Variants in FHIT observed in about 807,000 individuals in gnomAD.
FHIT encodes the protein fragile histidine triad diadenosine triphosphatase.
FHIT carries 19 observed loss-of-function variants against 17.9 expected under a neutral mutation model. The ratio of observed to expected loss-of-function variants is 1.06; its 90% CI spans 0.74 to 1.56. The LOEUF (loss-of-function observed/expected upper bound fraction) is 1.56, where lower values mean the gene tolerates loss of function less well. Among genes scored for constraint, FHIT ranks in the 40% most tolerant of loss-of-function variants. The probability of loss-of-function intolerance (pLI) is 0.00; values close to 1 mark genes in which losing one functional copy is unlikely to be tolerated. For synonymous variants in FHIT, 81 were observed against 69.7 expected (o/e 1.16, Z -0.81); for missense variants, 248 against 189.2 (o/e 1.31, Z -1.82).
intron 3 of FHIT, among the ~76,000 whole-genome samples, chr3:60,934,596 T>C (rs1198806195): frequency 6.6e-6 from 1 of 152,208 alleles, no homozygotes; most frequent in East Asian, 1.9e-4. Context: ...TATATGATAA[T>C]TCTCAAAAGT....
intron 5 of FHIT, among the ~76,000 whole-genome samples, chr3:60,385,270 A>G (rs1042040702): frequency 6.6e-6 from 1 of 152,214 alleles, no homozygotes; most frequent in Non-Finnish European, 1.5e-5. Context: ...AGAAGCATCC[A>G]CTGTGGATTA....
intron 3 of FHIT, among the ~76,000 whole-genome samples, chr3:60,852,779 A>G (rs1213506048): frequency 9.2e-5 from 14 of 152,172 alleles, no homozygotes; most frequent in Admixed American, 9.2e-4. Context: ...CAAAGTGGGA[A>G]GGCTGCTTGA....
intron 3 of FHIT, among the ~76,000 whole-genome samples, chr3:60,862,166 TTTTTTGTTTTTG>T (rs782326003): frequency 9.9e-5 from 15 of 150,824 alleles, no homozygotes; most frequent in Non-Finnish European, 1.3e-4. Flanking sequence ...AAATATGGAG[TTTTTTGTTTTTG>T]TTTTTGTTTT....
chr3:60,953,814 G>T (rs1553777960), intron 3 of FHIT, among the ~76,000 whole-genome samples: 1 of 152,142 alleles, frequency 6.6e-6, no homozygotes, highest in Admixed American at 6.5e-5. Context: ...AGACGAGAAG[G>T]GTGCCAGATT....
intron 5 of FHIT, among the ~76,000 whole-genome samples, chr3:60,468,153 T>C (rs1036086448): frequency 2.0e-5 from 3 of 152,044 alleles, no homozygotes; most frequent in African/African-American, 7.2e-5. Context: ...TCTTCTTCCA[T>C]ATCTCTTTAT....
chr3:60,330,060 A>G (rs767730589), intron 5 of FHIT, among the ~76,000 whole-genome samples: 17 of 152,192 alleles, frequency 1.1e-4, no homozygotes, highest in Admixed American at 2.0e-4. Flanking sequence ...GTTGGCTTTC[A>G]TGATCTCACC....
At chr3:60,484,467 C>G (rs1054424239) in intron 5 of FHIT, among the ~76,000 whole-genome samples, 22 of 152,128 alleles carry the variant, frequency 1.4e-4, no homozygotes, top group Admixed American at 1.4e-3. Flanking sequence ...GGTATCAAAA[C>G]AGAGATATAG....
chr3:60,949,684 A>C (rs1381373426), intron 3 of FHIT, among the ~76,000 whole-genome samples: 2 of 152,318 alleles, frequency 1.3e-5, no homozygotes, highest in African/African-American at 4.8e-5. Context: ...CAGTTATTAA[A>C]AATTCCTCTT....
At position 60,353,183 on chromosome 3, in the gene FHIT, C is replaced by T. The variant is rs996223593; in HGVS notation, c.103+183677G>A. Among the ~76,000 whole-genome samples, 10 of 152,220 alleles carry T rather than the reference C, an allele frequency of 6.6e-5. No individual in the cohort carries two copies. In the East Asian group the frequency reaches 1.9e-3, roughly 29 times the overall value. ...GACTTAACCTAATTCCTTCTGAAAG[C>T]CAAAAATTCAGACCCATTTACCATG... On this transcript the variant is annotated intron_variant, in intron 5 of 9. Coordinates refer to ENST00000492590, the MANE Select transcript of FHIT (RefSeq NM_002012.4).
intron 5 of FHIT, among the ~76,000 whole-genome samples, chr3:60,195,647 T>C (rs1402500905): frequency 6.8e-6 from 1 of 147,058 alleles, no homozygotes; most frequent in Non-Finnish European, 1.5e-5. Context: ...ATAAACATGA[T>C]ATATATACAC....
intron 7 of FHIT, among the ~76,000 whole-genome samples, chr3:59,947,298 T>A (rs1477036070): frequency 6.6e-6 from 1 of 152,212 alleles, no homozygotes; most frequent in Non-Finnish European, 1.5e-5. Flanking sequence ...TTTGTGTGCA[T>A]AGAAGTAGTA....
chr3:60,925,225 C>T (rs1270488783), intron 3 of FHIT, among the ~76,000 whole-genome samples: 1 of 152,144 alleles, frequency 6.6e-6, no homozygotes, highest in Non-Finnish European at 1.5e-5. Flanking sequence ...AAAGATACTC[C>T]TCGAGAAGAG....
At chr3:60,011,263 G>A (rs1003715101) in intron 7 of FHIT, 108 bp downstream of exon 7, 11 of 1,036,908 alleles carry the variant, frequency 1.1e-5, no homozygotes, top group South Asian at 2.7e-5. Flanking sequence ...CTCTGACCTC[G>A]AAGATAACAT....
At chr3:61,100,225 G>A (rs1340202125) in intron 2 of FHIT, among the ~76,000 whole-genome samples, 5 of 151,908 alleles carry the variant, frequency 3.3e-5, no homozygotes, top group African/African-American at 7.3e-5. Context: ...CACACCCCCC[G>A]ACAGGACCCA....
intron 5 of FHIT, among the ~76,000 whole-genome samples, chr3:60,452,183 C>T (rs77001995): frequency 2.1e-3 from 319 of 152,228 alleles, no homozygotes; most frequent in African/African-American, 7.2e-3. Context: ...TACAGTGCAA[C>T]TCTAAGGTAA....
chr3:60,603,349 C>A (rs2038504630), intron 4 of FHIT, among the ~76,000 whole-genome samples: 1 of 152,136 alleles, frequency 6.6e-6, no homozygotes, highest in African/African-American at 2.4e-5. Context: ...TTAAATTTAA[C>A]ATCTTTATTG....
chr3:60,850,191 G>A (rs35871234), intron 3 of FHIT, among the ~76,000 whole-genome samples: 34,589 of 151,540 alleles, frequency 0.23, 4,318 homozygotes, highest in African/African-American at 0.31. Context: ...AGAGGCCTTC[G>A]CTGACTATCC....
At chr3:60,779,111 G>T (rs377055227) in intron 4 of FHIT, among the ~76,000 whole-genome samples, 86 of 152,338 alleles carry the variant, frequency 5.6e-4, no homozygotes, top group African/African-American at 2.0e-3. Context: ...TGTAGAAATA[G>T]TTATTCTTGC....
intron 4 of FHIT, among the ~76,000 whole-genome samples, chr3:60,745,301 G>T (rs539224210): frequency 6.6e-6 from 1 of 152,292 alleles, no homozygotes; most frequent in East Asian, 1.9e-4. Flanking sequence ...AGCATCATAG[G>T]CAGCGGGAAT....
Sources: allele counts gnomAD v4.1 joint callset (sites outside exome capture counted in the v4.1 genomes callset), GRCh38; gene constraint gnomAD v4.1.1; transcripts MANE v1.5; gene names NCBI Gene and HGNC (gene_info 2026-07-23, HGNC 2026-07-21).